Variants in LDLRAD4 observed in about 807,000 individuals in gnomAD.
LDLRAD4 encodes low-density lipoprotein receptor class A domain-containing protein 4.
LDLRAD4 carries 5 observed loss-of-function variants against 17.0 expected under a neutral mutation model. The ratio of observed to expected loss-of-function variants is 0.29; its 90% confidence interval spans 0.15 to 0.62. The LOEUF (loss-of-function observed/expected upper bound fraction) is 0.62. Among genes scored for constraint, LDLRAD4 ranks in the 20% least tolerant of loss-of-function variants. The pLI, the probability that LDLRAD4 is intolerant of heterozygous loss-of-function variation, is 0.84. For missense variants in LDLRAD4, 340 were observed against 424.7 expected (o/e 0.80, Z 1.75); for synonymous variants, 168 against 171.8 (o/e 0.98, Z 0.17).
At chr18:13,234,958 T>C (rs1006860577) in intron 1 of LDLRAD4, 1 of 152,152 alleles carries the variant, frequency 6.6e-6, no homozygotes, top group Admixed American at 6.5e-5. Flanking sequence ...TGTAAAAAAA[T>C]CATCAGATTA....
At chr18:13,289,093 A>C (rs1374271996) in intron 1 of LDLRAD4, among the ~76,000 whole-genome samples, 1 of 152,232 alleles carries the variant, frequency 6.6e-6, no homozygotes, top group African/African-American at 2.4e-5. Flanking sequence ...TCCTCTTTGC[A>C]ACAATTCAGA....
At chr18:13,292,609 C>T (rs1305963715) in intron 1 of LDLRAD4, among the ~76,000 whole-genome samples, 1 of 152,164 alleles carries the variant, frequency 6.6e-6, no homozygotes, top group Non-Finnish European at 1.5e-5. Flanking sequence ...ACAAATCATG[C>T]CTCTAGGTGC....
intron 1 of LDLRAD4, chr18:13,241,305 T>C (rs1026704438): frequency 6.6e-6 from 1 of 152,260 alleles, no homozygotes; most frequent in Non-Finnish European, 1.5e-5. Flanking sequence ...CCCAAACCAG[T>C]GTCGAGTTCC....
chr18:13,440,234 C>G lies in LDLRAD4; in HGVS notation c.181+1850C>G, dbSNP rs1042558496. On this transcript the variant is annotated intron_variant, in intron 3 of 5. Coordinates refer to ENST00000359446, the Ensembl canonical transcript of LDLRAD4. The surrounding 1 kb of genome is among the most constrained non-coding windows in gnomAD (Gnocchi z 4.4). ...CTCCTTTACTTCAGGGCCCTTTTGC[C>G]GAGGGCTTCCTTGTTTTCAACCCTC... Among the ~76,000 whole-genome samples the G allele has an allele frequency of 1.3e-5, 2 of 152,186 alleles. No homozygotes were observed. Among genetic ancestry groups the G allele is most frequent in the East Asian group, 1.9e-4 (1 of 5,196 alleles).
intron 2 of LDLRAD4, among the ~76,000 whole-genome samples, chr18:13,396,587 G>A (rs562650208): frequency 4.1e-4 from 63 of 152,288 alleles, no homozygotes; most frequent in Non-Finnish European, 7.9e-4. Flanking sequence ...GGGCTCAAGT[G>A]ATCCTCCCGT....
chr18:13,565,436 G>A lies in LDLRAD4; in HGVS notation c.182-55681G>A, dbSNP rs533421339. ...GCGAGCAGCCCGGGCAGACCTCCAGGCAGCAGGACAAAGGGGCGCTGCGGT... is the reference window on the plus strand; with the variant it reads ...GCGAGCAGCCCGGGCAGACCTCCAGACAGCAGGACAAAGGGGCGCTGCGGT... On this transcript the variant is annotated intron_variant, in intron 3 of 5. Coordinates refer to ENST00000359446, the Ensembl canonical transcript of LDLRAD4. Among the ~76,000 whole-genome samples the A allele has an allele frequency of 2.8e-4, 43 of 152,364 alleles. No individual in the cohort carries two copies. The South Asian group carries it at 8.9e-3, about 32-fold the overall frequency.
chr18:13,408,319 A>C (rs2087963014), intron 2 of LDLRAD4, among the ~76,000 whole-genome samples: 1 of 145,404 alleles, frequency 6.9e-6, no homozygotes, highest in Non-Finnish European at 1.5e-5. Context: ...GGCTGCAGTG[A>C]CCCATGATCA....
intron 3 of LDLRAD4, among the ~76,000 whole-genome samples, chr18:13,604,423 T>C (rs897251854): frequency 1.3e-5 from 2 of 152,202 alleles, no homozygotes; most frequent in Non-Finnish European, 2.9e-5. Flanking sequence ...ATGTGTGCCA[T>C]ATACTGCGTG....
chr18:13,541,352 G>T (rs2094280108), intron 3 of LDLRAD4, among the ~76,000 whole-genome samples: 3 of 152,178 alleles, frequency 2.0e-5, no homozygotes, highest in African/African-American at 4.8e-5. Context: ...TAGGGACTTG[G>T]TTAAAGAAAT....
chr18:13,306,801 T>C (rs1163547213), intron 1 of LDLRAD4, among the ~76,000 whole-genome samples: 6 of 152,140 alleles, frequency 3.9e-5, no homozygotes, highest in African/African-American at 1.4e-4. Flanking sequence ...TGAAAGAGAC[T>C]GTGGCTATGG....
intron 4 of LDLRAD4, among the ~76,000 whole-genome samples, chr18:13,625,059 C>T (rs2041007389): frequency 6.6e-6 from 1 of 152,238 alleles, no homozygotes; most frequent in Admixed American, 6.5e-5. Context: ...CAGCACCCTC[C>T]AGTCAGCAGC....
chr18:13,287,088 C>T (rs975708044), intron 1 of LDLRAD4, among the ~76,000 whole-genome samples: 3 of 152,162 alleles, frequency 2.0e-5, no homozygotes, highest in African/African-American at 7.2e-5. Context: ...AGAAAGCAGT[C>T]AGGCTGGGAG....
chr18:13,540,662 C>T (rs137997387), intron 3 of LDLRAD4, among the ~76,000 whole-genome samples: 53 of 152,260 alleles, frequency 3.5e-4, no homozygotes, highest in Non-Finnish European at 5.9e-4. Context: ...CTGTCCAAGG[C>T]AATTCACAGG....
intron 3 of LDLRAD4, among the ~76,000 whole-genome samples, chr18:13,554,636 A>G (rs2094466327): frequency 6.6e-6 from 1 of 152,178 alleles, no homozygotes; most frequent in Non-Finnish European, 1.5e-5. Flanking sequence ...ACAATAACCT[A>G]TTGCCCTTTA....
At chr18:13,625,676 C>T (rs1361553801) in intron 4 of LDLRAD4, among the ~76,000 whole-genome samples, 1 of 151,554 alleles carries the variant, frequency 6.6e-6, no homozygotes, top group Non-Finnish European at 1.5e-5. Context: ...GGTGAGGAGC[C>T]GCAGCCGGCG....
intron 1 of LDLRAD4, among the ~76,000 whole-genome samples, chr18:13,311,017 G>T (rs1371894790): frequency 2.0e-5 from 3 of 152,108 alleles, no homozygotes; most frequent in Non-Finnish European, 4.4e-5. Flanking sequence ...TCTGTAAAAT[G>T]CAGAAAGTGA....
At chr18:13,583,666 C>T (rs534513420) in intron 3 of LDLRAD4, among the ~76,000 whole-genome samples, 1 of 152,270 alleles carries the variant, frequency 6.6e-6, no homozygotes, top group South Asian at 2.1e-4. Flanking sequence ...AAAAGAGGCT[C>T]GGTGGCTTGA....
intron 3 of LDLRAD4, chr18:13,520,243 C>T (rs1568290616): frequency 6.6e-6 from 1 of 152,188 alleles, no homozygotes; most frequent in Non-Finnish European, 1.5e-5. Flanking sequence ...TCTGCTAAAG[C>T]CTGTCTTCAG....
chr18:13,640,824 TGA>T (rs1351693245), intron 4 of LDLRAD4, among the ~76,000 whole-genome samples: 4 of 152,038 alleles, frequency 2.6e-5, no homozygotes, highest in South Asian at 4.2e-4. Flanking sequence ...ATAAGGCCAA[TGA>T]GAGAGGGAAC....
Sources: allele counts gnomAD v4.1 joint callset (sites outside exome capture counted in the v4.1 genomes callset), GRCh38; gene constraint gnomAD v4.1.1; non-coding constraint Gnocchi (gnomAD v3.1); transcripts MANE v1.5; gene names NCBI Gene and HGNC (gene_info 2026-07-23, HGNC 2026-07-21).